Variants in TANC1 observed in about 807,000 individuals in gnomAD.
TANC1 encodes the protein tetratricopeptide repeat, ankyrin repeat and coiled-coil containing 1, also known as protein TANC1.
TANC1 carries 77 observed loss-of-function variants against 149.7 expected under a neutral mutation model. That is an observed-to-expected ratio of 0.51 (90% CI 0.43 to 0.62). The LOEUF (loss-of-function observed/expected upper bound fraction) is 0.62. TANC1 is among the 20% of genes least tolerant of loss of function. The pLI is 0.00. For missense variants in TANC1, 1,985 were observed against 2,321.8 expected, an observed-to-expected ratio of 0.85 and a Z score of 2.98; for synonymous variants, 854 against 925.0, an observed-to-expected ratio of 0.92 and a Z score of 1.39.
intron 2 of TANC1, chr2:159,004,146 A>G (rs2036905753): frequency 1.2e-6 from 2 of 1,612,368 alleles, no homozygotes; most frequent in East Asian, 4.5e-5. Context: ...GCTTCCTGGA[A>G]TATTAAGTCA....
At chr2:159,120,350 G>T (rs762716788) in intron 4 of TANC1, among the ~76,000 whole-genome samples, 1 of 152,074 alleles carries the variant, frequency 6.6e-6, no homozygotes, top group Non-Finnish European at 1.5e-5. Flanking sequence ...ACTTGAGGGA[G>T]TAGTTTGTTT....
chr2:159,105,291 G>A (rs1221284849), intron 4 of TANC1, among the ~76,000 whole-genome samples: 1 of 150,574 alleles, frequency 6.6e-6, no homozygotes, highest in East Asian at 1.9e-4. Flanking sequence ...ACCCCGCCCG[G>A]CCAGATACTT....
At chr2:159,191,187 A>G (rs1254529068) in intron 16 of TANC1, among the ~76,000 whole-genome samples, 1 of 152,190 alleles carries the variant, frequency 6.6e-6, no homozygotes, top group Non-Finnish European at 1.5e-5. Flanking sequence ...TGTCACTTGC[A>G]CATGGCCTGT....
intron 3 of TANC1, among the ~76,000 whole-genome samples, chr2:159,091,506 T>C (rs984026351): frequency 6.6e-5 from 10 of 152,350 alleles, no homozygotes; most frequent in African/African-American, 2.4e-4. Context: ...CATGCTGATA[T>C]GTCTTAAAAG....
intron 9 of TANC1, among the ~76,000 whole-genome samples, chr2:159,169,721 G>A (rs889424154): frequency 1.3e-5 from 2 of 152,044 alleles, no homozygotes; most frequent in Non-Finnish European, 2.9e-5. Flanking sequence ...GGCCAGGCGC[G>A]GTGGCTCATG....
intron 5 of TANC1, among the ~76,000 whole-genome samples, chr2:159,140,094 A>G (rs2051193577): frequency 6.6e-6 from 1 of 151,766 alleles, no homozygotes; most frequent in African/African-American, 2.4e-5. Context: ...ATAGCAGTGC[A>G]CCTCTCTGGT....
At chr2:159,181,589 G>A (rs920652392) in intron 14 of TANC1, among the ~76,000 whole-genome samples, 15 of 152,324 alleles carry the variant, frequency 9.8e-5, no homozygotes, top group Non-Finnish European at 1.8e-4. Context: ...GAGCCACTGC[G>A]CCCGGCCCCC....
intron 2 of TANC1, among the ~76,000 whole-genome samples, chr2:159,015,916 A>C (rs1178358071): frequency 6.6e-6 from 1 of 152,164 alleles, no homozygotes; most frequent in Admixed American, 6.6e-5. Context: ...GTCTCTAGGG[A>C]GTTCCAAACT....
intron 5 of TANC1, among the ~76,000 whole-genome samples, chr2:159,143,482 T>C (rs2051670356): frequency 7.8e-6 from 1 of 128,102 alleles, no homozygotes; most frequent in African/African-American, 3.0e-5. Context: ...TTGGGGAGGC[T>C]GAGGCAGGAG....
At chr2:159,213,413 G>A (rs1486743343) in intron 19 of TANC1, among the ~76,000 whole-genome samples, 1 of 151,738 alleles carries the variant, frequency 6.6e-6, no homozygotes, top group Non-Finnish European at 1.5e-5. Flanking sequence ...TTTTAGGTAT[G>A]GGAACCCCCC....
intron 19 of TANC1, among the ~76,000 whole-genome samples, chr2:159,209,692 A>T (rs922581796): frequency 1.3e-5 from 2 of 152,114 alleles, no homozygotes; most frequent in African/African-American, 4.8e-5. Flanking sequence ...AAATCCTAAA[A>T]TCCCTCATTA....
chr2:159,170,979 A>G (rs2055133734), intron 10 of TANC1, among the ~76,000 whole-genome samples, 174 bp downstream of exon 10: 1 of 152,214 alleles, frequency 6.6e-6, no homozygotes, highest in Non-Finnish European at 1.5e-5. Context: ...CATGATGTGT[A>G]TTCAGCTGTA....
At chr2:159,146,935 A>G (rs1377824034) in intron 5 of TANC1, among the ~76,000 whole-genome samples, 1 of 82,398 alleles carries the variant, frequency 1.2e-5, no homozygotes, top group African/African-American at 3.3e-5. Flanking sequence ...TTTTTGGATT[A>G]AAAAAAAAAA....
intron 10 of TANC1, among the ~76,000 whole-genome samples, chr2:159,171,567 T>G (rs1051260832): frequency 5.3e-5 from 8 of 152,086 alleles, no homozygotes; most frequent in Admixed American, 5.2e-4. Flanking sequence ...AAGGCTGCAG[T>G]GAGCTGGGAT....
chr2:159,202,382 A>G (rs908073128), intron 19 of TANC1, among the ~76,000 whole-genome samples: 1 of 152,206 alleles, frequency 6.6e-6, no homozygotes, highest in Admixed American at 6.5e-5. Flanking sequence ...TTAGGGGTTT[A>G]TTGCAATCAA....
chr2:159,136,999 A>G (rs906299107), intron 5 of TANC1, among the ~76,000 whole-genome samples: 2 of 152,050 alleles, frequency 1.3e-5, no homozygotes, highest in Non-Finnish European at 2.9e-5. Context: ...TCTTGCCTTT[A>G]ATTTGGGTGT....
intron 3 of TANC1, among the ~76,000 whole-genome samples, chr2:159,092,629 G>A (rs771917070): frequency 7.9e-5 from 12 of 152,054 alleles, no homozygotes; most frequent in East Asian, 1.9e-4. Context: ...TATTTATTAC[G>A]AACAGAGAGG....
At chr2:159,225,922 C>A in intron 24 of TANC1, 143 bp downstream of exon 24, 1 of 717,856 alleles carries the variant, frequency 1.4e-6, no homozygotes, top group Non-Finnish European at 2.5e-6. Flanking sequence ...TGGCTCACGC[C>A]TGTAACTCCA....
At chr2:159,061,100 T>C (rs2042203571) in intron 2 of TANC1, among the ~76,000 whole-genome samples, 1 of 152,244 alleles carries the variant, frequency 6.6e-6, no homozygotes, top group Admixed American at 6.5e-5. Context: ...TGTTGAATGA[T>C]AGTAGAAATT....
Sources: gnomAD v4.1 joint callset for allele counts (sites outside exome capture counted in the v4.1 genomes callset) on GRCh38, gnomAD v4.1.1 for gene constraint, MANE v1.5 for transcripts, NCBI Gene and HGNC (gene_info 2026-07-23, HGNC 2026-07-21) for gene names.